The following EPC1 variants were observed in gnomAD, a reference collection of about 807,000 sequenced individuals.
EPC1 encodes the protein enhancer of polycomb homolog 1.
EPC1 carries 12 observed loss-of-function variants against 98.4 expected under a neutral mutation model. The ratio of observed to expected loss-of-function variants is 0.12; its 90% CI spans 0.08 to 0.20. The LOEUF is 0.20. EPC1 is among the 10% of genes least tolerant of loss of function. The pLI is 1.00. For synonymous variants in EPC1, 357 were observed against 363.9 expected (o/e 0.98, Z 0.21); for missense variants, 729 against 990.5 (o/e 0.74, Z 3.54).
chr10:32,270,721 A>C (rs543596068), intron 13 of EPC1, among the ~76,000 whole-genome samples: 1 of 150,084 alleles, frequency 6.7e-6, no homozygotes, highest in African/African-American at 2.4e-5. Flanking sequence ...TCTACTCAGA[A>C]GGCTGAGACA....
At chr10:32,361,943 G>C (rs1045317722) in intron 1 of EPC1, among the ~76,000 whole-genome samples, 1 of 152,164 alleles carries the variant, frequency 6.6e-6, no homozygotes, top group East Asian at 1.9e-4. Flanking sequence ...AACCAAGATA[G>C]TGATGAGAGT....
chr10:32,269,208 C>T, intron 13 of EPC1, 73 bp from the exon 14 acceptor site: 5 of 1,322,760 alleles, frequency 3.8e-6, no homozygotes, highest in South Asian at 1.3e-5. Context: ...ATCTTCCCAA[C>T]AAAAAGTTTA....
At chr10:32,341,783 A>G (rs1838372094) in intron 1 of EPC1, among the ~76,000 whole-genome samples, 3 of 152,168 alleles carry the variant, frequency 2.0e-5, no homozygotes, top group African/African-American at 7.2e-5. Flanking sequence ...GACTAAGTCT[A>G]TTTAGTAACT....
chr10:32,288,323 T>TTC (rs796501732), intron 6 of EPC1, among the ~76,000 whole-genome samples: 4 of 148,386 alleles, frequency 2.7e-5, no homozygotes, highest in African/African-American at 1.0e-4. Context: ...TTTTTTTTTT[T>TTC]TTTTTTTTTG....
chr10:32,329,807 C>G (rs1837531374), intron 1 of EPC1, among the ~76,000 whole-genome samples: 1 of 152,102 alleles, frequency 6.6e-6, no homozygotes, highest in Non-Finnish European at 1.5e-5. Flanking sequence ...AACCAAATAA[C>G]TACATAAATA....
chr10:32,324,011 C>A (rs1837103943), intron 1 of EPC1, among the ~76,000 whole-genome samples: 1 of 152,140 alleles, frequency 6.6e-6, no homozygotes, highest in Admixed American at 6.5e-5. Flanking sequence ...TCTCGGCTCA[C>A]TGCAAGCTCC....
chr10:32,292,699 T>A, intron 4 of EPC1, 55 bp from the exon 5 acceptor site: 1 of 1,532,518 alleles, frequency 6.5e-7, no homozygotes, highest in Non-Finnish European at 8.8e-7. Flanking sequence ...ACTAGTGGTA[T>A]AGTTATTGAC....
chr10:32,307,940 G>A (rs1356608705), intron 1 of EPC1, among the ~76,000 whole-genome samples: 3 of 152,202 alleles, frequency 2.0e-5, no homozygotes, highest in Non-Finnish European at 2.9e-5. Context: ...GAACATATAA[G>A]TTAGATGTTT....
At chr10:32,284,589 G>T in intron 10 of EPC1, 109 bp downstream of exon 10, 1 of 891,182 alleles carries the variant, frequency 1.1e-6, no homozygotes, top group Non-Finnish European at 1.7e-6. Context: ...AACTGTTTAA[G>T]AGAAAAGGAC....
At position 32,309,704 on chromosome 10, in the gene EPC1, T is replaced by A. The variant is rs547084312; in HGVS notation, c.154-3773A>T. Among the ~76,000 whole-genome samples, 10 of 147,798 alleles carry A rather than the reference T, an allele frequency of 6.8e-5. No homozygotes were observed. In the South Asian group the frequency reaches 2.2e-3, roughly 32 times the overall value. ...CACCCTGTCTCAAAAAAAATAAAAA[T>A]AAATAAAGAAGAAGAACAATGTAGC... On this transcript the variant is annotated intron_variant, in intron 1 of 13. Coordinates refer to ENST00000319778, the MANE Select transcript of EPC1 (RefSeq NM_001272004.3).
At chr10:32,290,375 A>G (rs1274176768) in intron 6 of EPC1, among the ~76,000 whole-genome samples, 1 of 148,764 alleles carries the variant, frequency 6.7e-6, no homozygotes, top group African/African-American at 2.5e-5. Flanking sequence ...AGTCCCAGCT[A>G]CTCGGGGAGG....
intron 1 of EPC1, among the ~76,000 whole-genome samples, chr10:32,329,550 C>T (rs1029530232): frequency 2.6e-5 from 4 of 152,190 alleles, no homozygotes; most frequent in African/African-American, 9.7e-5. Flanking sequence ...AGTTAAGCTA[C>T]TTGTCTAATC....
chr10:32,286,416 G>A (rs933794931), intron 9 of EPC1: 5 of 438,956 alleles, frequency 1.1e-5, no homozygotes, highest in African/African-American at 9.8e-5. Flanking sequence ...TTCATCTGTT[G>A]CCCTTTCTCA....
chr10:32,343,594 C>A (rs1455976258), intron 1 of EPC1, among the ~76,000 whole-genome samples: 1 of 151,588 alleles, frequency 6.6e-6, no homozygotes, highest in Non-Finnish European at 1.5e-5. Context: ...TTGACCCAGT[C>A]AAATCCTTCA....
intron 1 of EPC1, among the ~76,000 whole-genome samples, chr10:32,342,669 T>A (rs1352480167): frequency 6.6e-6 from 1 of 152,160 alleles, no homozygotes; most frequent in Admixed American, 6.5e-5. Flanking sequence ...ACATCTTAAT[T>A]ACACCAAATC....
At position 32,271,739 on chromosome 10, in the gene EPC1, A is replaced by T; in HGVS notation, c.2184T>A (p.Ile728=). The T allele has an allele frequency of 1.2e-6, 2 of 1,614,220 alleles. No individual in the cohort carries two copies. Among genetic ancestry groups the T allele is most frequent in the Non-Finnish European group, 1.7e-6 (2 of 1,180,034 alleles). Residue 728 remains isoleucine (I), a synonymous_variant, in exon 13 of 14, where the codon ATT becomes ATA. Transcript: ENST00000319778. ...GTACAGTTAATCGAATGTTGTTCCC[A>T]ATCAGAACCTGAGTTGTTGCAGAAT... ...AANSATTQVL[I]GNNIRLTVPS...
At position 32,346,945 on chromosome 10, in the gene EPC1, G is replaced by C. The variant is rs765502626; in HGVS notation, c.-30C>G. 6 of 1,609,022 alleles carry C rather than the reference G, an allele frequency of 3.7e-6. No individual in the cohort carries two copies. Among genetic ancestry groups the C allele is most frequent in the Middle Eastern group, 1.6e-4 (1 of 6,066 alleles). Reference sequence around the variant, plus strand: ...GGCGCAGCAGATACCTCTCCGCTCTGGGGAAACGGCCCCGGCCAGCGGGAT... The same window carrying C: ...GGCGCAGCAGATACCTCTCCGCTCTCGGGAAACGGCCCCGGCCAGCGGGAT... On this transcript the variant is annotated 5_prime_UTR_variant, in exon 1 of 14. Transcript: ENST00000319778.
chr10:32,268,881 G>C lies in EPC1; in HGVS notation c.*182C>G, dbSNP rs1311556561. The C allele has an allele frequency of 1.4e-5, 8 of 558,154 alleles. No individual in the cohort carries two copies. Among genetic ancestry groups the C allele is most frequent in the African/African-American group, 5.7e-5 (3 of 52,768 alleles). The allele number at this position is 558,154 out of a possible 1,614,324, so 34.6% of individuals were successfully genotyped here. On this transcript the variant is annotated 3_prime_UTR_variant, in exon 14 of 14. Transcript: ENST00000319778. ...GCTGTATTCTTAATTTACAGATGTT[G>C]ATTTTTTTCCTATTAACAGTAAGAA...
chr10:32,276,420 G>A (rs555721262), intron 10 of EPC1, among the ~76,000 whole-genome samples: 30 of 152,354 alleles, frequency 2.0e-4, no homozygotes, highest in African/African-American at 7.2e-4. Flanking sequence ...GCTGAGGCAC[G>A]AGAATCGCTC....
Sources: allele counts gnomAD v4.1 joint callset (sites outside exome capture counted in the v4.1 genomes callset), GRCh38; gene constraint gnomAD v4.1.1; transcripts MANE v1.5; gene names NCBI Gene and HGNC (gene_info 2026-07-23, HGNC 2026-07-21).